The following RUNX2 variants were observed in gnomAD, a reference collection of about 807,000 sequenced individuals.
The protein encoded by RUNX2 is runt-related transcription factor 2.
RUNX2 carries 10 observed loss-of-function variants against 51.7 expected under a neutral mutation model. The ratio of observed to expected loss-of-function variants is 0.19; its 90% CI spans 0.12 to 0.33. The LOEUF (loss-of-function observed/expected upper bound fraction) is 0.33, where lower values mean the gene tolerates loss of function less well. RUNX2 is among the 10% of genes least tolerant of loss of function. RUNX2 has a pLI of 1.00. For synonymous variants in RUNX2, 276 were observed against 273.6 expected (o/e 1.01, Z -0.09); for missense variants, 562 against 691.3 (o/e 0.81, Z 2.10).
intron 2 of RUNX2, among the ~76,000 whole-genome samples, chr6:45,382,065 A>G (rs1049791793): frequency 3.3e-5 from 5 of 152,192 alleles, no homozygotes; most frequent in African/African-American, 1.2e-4. Flanking sequence ...GGAACCATGG[A>G]ATACCAGAGT....
intron 3 of RUNX2, among the ~76,000 whole-genome samples, chr6:45,425,355 C>T (rs1262894868): frequency 6.6e-6 from 1 of 152,136 alleles, no homozygotes; most frequent in Non-Finnish European, 1.5e-5. Flanking sequence ...TTTTTCACTA[C>T]CACCCTTTAA....
chr6:45,401,666 G>A (rs1243310159), intron 2 of RUNX2, among the ~76,000 whole-genome samples: 1 of 152,230 alleles, frequency 6.6e-6, no homozygotes, highest in Non-Finnish European at 1.5e-5. Flanking sequence ...TGAACAGAAG[G>A]CAAAGATTGT....
chr6:45,490,418 C>G (rs776929934), intron 5 of RUNX2, among the ~76,000 whole-genome samples: 1 of 152,114 alleles, frequency 6.6e-6, no homozygotes, highest in Non-Finnish European at 1.5e-5. Flanking sequence ...AGTTGGAACA[C>G]GTTTGGCCGT....
At chr6:45,400,917 C>T (rs535165164) in intron 2 of RUNX2, among the ~76,000 whole-genome samples, 28 of 152,198 alleles carry the variant, frequency 1.8e-4, no homozygotes, top group African/African-American at 6.5e-4. Context: ...AGATGAGTTG[C>T]TGAGTAGATA....
At position 45,547,414 on chromosome 6, in the gene RUNX2, A is replaced by C; in HGVS notation, c.*109A>C. The C allele has an allele frequency of 1.1e-6, 1 of 942,374 alleles. No homozygotes were observed. The highest frequency in any genetic ancestry group is 1.7e-6 in the Non-Finnish European group (1 of 588,766). The allele number at this position is 942,374 out of a possible 1,614,324, so 58.4% of individuals were successfully genotyped here. On this transcript the variant is annotated 3_prime_UTR_variant, in exon 9 of 9. Coordinates refer to ENST00000647337, the MANE Select transcript of RUNX2 (RefSeq NM_001024630.4). Reference sequence around the variant, plus strand: ...TATGTATATCGATTAGCTATCTACAAAGTGCCTATTTTTTAGAAGATTTTT... The same window carrying C: ...TATGTATATCGATTAGCTATCTACACAGTGCCTATTTTTTAGAAGATTTTT...
chr6:45,347,632 T>C (rs1479918670), intron 2 of RUNX2, among the ~76,000 whole-genome samples: 1 of 152,106 alleles, frequency 6.6e-6, no homozygotes, highest in Non-Finnish European at 1.5e-5. Flanking sequence ...AGCAAGGGAA[T>C]ATGCACATGA....
intron 5 of RUNX2, among the ~76,000 whole-genome samples, chr6:45,447,606 C>A (rs1311717689): frequency 2.0e-5 from 3 of 152,136 alleles, no homozygotes. Flanking sequence ...AGTCTCACCC[C>A]CTCTCTTCTA....
chr6:45,466,883 C>T (rs1286767167), intron 5 of RUNX2, among the ~76,000 whole-genome samples: 1 of 152,210 alleles, frequency 6.6e-6, no homozygotes, highest in Non-Finnish European at 1.5e-5. Context: ...TCCTGCAATG[C>T]TTTAATATTT....
intron 7 of RUNX2, among the ~76,000 whole-genome samples, chr6:45,524,368 CTG>C (rs1801603694): frequency 6.6e-6 from 1 of 152,134 alleles, no homozygotes; most frequent in South Asian, 2.1e-4. Flanking sequence ...TCCAGAGAGA[CTG>C]TGACCTTAAG....
intron 7 of RUNX2, among the ~76,000 whole-genome samples, chr6:45,515,199 T>C (rs1482722102): frequency 6.6e-6 from 1 of 152,180 alleles, no homozygotes; most frequent in Non-Finnish European, 1.5e-5. Flanking sequence ...AATATTCTCA[T>C]ATGATTTTGG....
Position 45,330,343 on chromosome 6 carries a change from C to G in RUNX2, c.58+1559C>G, listed in dbSNP as rs73735373. Among the ~76,000 whole-genome samples the G allele has an allele frequency of 3.9e-3, 595 of 151,926 alleles. 7 individuals are homozygous for G. Among genetic ancestry groups the G allele is most frequent in the African/African-American group, 0.014 (567 of 41,450 alleles). ...AGCTTATACATCGAAAGTTTTGTTA[C>G]TACTACCCAAGAGATAAAAGGAAAA... On this transcript the variant is annotated intron_variant, in intron 2 of 8. Coordinates refer to ENST00000647337, the MANE Select transcript of RUNX2 (RefSeq NM_001024630.4).
chr6:45,417,831 A>C (rs1211070211), intron 2 of RUNX2, among the ~76,000 whole-genome samples: 1 of 152,212 alleles, frequency 6.6e-6, no homozygotes, highest in Non-Finnish European at 1.5e-5. Flanking sequence ...TACTATGAAT[A>C]TTATTCTTTT....
At chr6:45,381,524 C>T (rs1348151022) in intron 2 of RUNX2, among the ~76,000 whole-genome samples, 15 of 151,948 alleles carry the variant, frequency 9.9e-5, no homozygotes, top group Non-Finnish European at 4.4e-5. Flanking sequence ...ACCTTCTGGG[C>T]TCAAGCAATC....
In RUNX2 at chr6:45,431,878, G is replaced by A. The variant is rs370512978; in HGVS notation, c.439G>A (p.Glu147Lys). 1 of 1,614,038 alleles carries A rather than the reference G, an allele frequency of 6.2e-7. No individual in the cohort carries two copies. The highest frequency in any genetic ancestry group is 1.3e-5 in the African/African-American group (1 of 74,932). The stretch of plus-strand genomic sequence containing the variant: ...TTTTATGTAGGTGGTAGCCCTCGGA[G>A]AGGTACCAGATGGGACTGTGGTTAC... Reference protein sequence around the residue: ...PVAFKVVALGEVPDGTVVTVM... With the variant: ...PVAFKVVALGKVPDGTVVTVM... The change falls in exon 4 of 9, where the codon GAG becomes AAG. Residue 147 changes from glutamate to lysine, a missense_variant. Glu to Lys is a moderately conservative substitution (Grantham distance 56). Coordinates refer to ENST00000647337, the MANE Select transcript of RUNX2 (RefSeq NM_001024630.4).
intron 2 of RUNX2, among the ~76,000 whole-genome samples, chr6:45,385,364 G>A (rs936135303): frequency 3.9e-5 from 6 of 152,144 alleles, no homozygotes; most frequent in African/African-American, 9.7e-5. Context: ...TCACTGAACC[G>A]CTTTGGCTCT....
chr6:45,484,824 A>G (rs553348419), intron 5 of RUNX2, among the ~76,000 whole-genome samples: 1 of 152,332 alleles, frequency 6.6e-6, no homozygotes, highest in South Asian at 2.1e-4. Flanking sequence ...CACTTTTAGG[A>G]TAGATTAGAA....
chr6:45,508,650 A>G (rs1187585546), intron 6 of RUNX2, among the ~76,000 whole-genome samples: 1 of 152,204 alleles, frequency 6.6e-6, no homozygotes, highest in Non-Finnish European at 1.5e-5. Context: ...ACAAAGATAG[A>G]TCTTCTGACT....
intron 2 of RUNX2, among the ~76,000 whole-genome samples, chr6:45,342,908 G>A (rs2150142616): frequency 6.6e-6 from 1 of 152,208 alleles, no homozygotes; most frequent in South Asian, 2.1e-4. Context: ...GAATGTCATG[G>A]AAACACAAGG....
intron 2 of RUNX2, among the ~76,000 whole-genome samples, chr6:45,347,248 A>T (rs910496821): frequency 6.6e-6 from 1 of 152,282 alleles, no homozygotes; most frequent in African/African-American, 2.4e-5. Flanking sequence ...AGTAAATTAA[A>T]CTACAGTGAA....
Sources: gnomAD v4.1 joint callset for allele counts (sites outside exome capture counted in the v4.1 genomes callset) on GRCh38, gnomAD v4.1.1 for gene constraint, MANE v1.5 for transcripts, NCBI Gene and HGNC (gene_info 2026-07-23, HGNC 2026-07-21) for gene names.